SHB: variants seen among roughly 807,000 people sequenced by gnomAD.
SHB encodes the protein SH2 domain containing adaptor protein B.
Under a neutral mutation model 52.3 loss-of-function variants are expected in SHB, and 20 were observed. The ratio of observed to expected loss-of-function variants is 0.38; its 90% CI spans 0.27 to 0.56. The LOEUF (loss-of-function observed/expected upper bound fraction) is 0.56, where lower values mean the gene tolerates loss of function less well. Ranked by LOEUF, SHB falls within the 20% of genes least tolerant of loss-of-function variation. The pLI, the probability that SHB is intolerant of heterozygous loss-of-function variation, is 0.71. For missense variants in SHB, 825 were observed against 723.3 expected (o/e 1.14, Z -1.61); for synonymous variants, 397 against 316.5 (o/e 1.25, Z -2.70).
chr9:37,966,623 A>C (rs184242823), intron 3 of SHB, among the ~76,000 whole-genome samples: 6 of 152,312 alleles, frequency 3.9e-5, no homozygotes, highest in Non-Finnish European at 5.9e-5. Context: ...CACAATTGTT[A>C]ATTTCCTCAC....
chr9:38,040,091 G>A (rs951531352), intron 1 of SHB, among the ~76,000 whole-genome samples: 1 of 152,250 alleles, frequency 6.6e-6, no homozygotes, highest in African/African-American at 2.4e-5. Context: ...CACTACCTCA[G>A]GTCAGCCGGT....
intron 1 of SHB, among the ~76,000 whole-genome samples, chr9:38,034,060 T>C (rs1284564820): frequency 2.0e-5 from 3 of 152,282 alleles, no homozygotes; most frequent in South Asian, 4.2e-4. Flanking sequence ...GGCCCAGCGA[T>C]GTCATAAACC....
chr9:37,990,696 C>T (rs2243782), intron 2 of SHB, among the ~76,000 whole-genome samples: 86,969 of 152,030 alleles, frequency 0.57, 25,254 homozygotes, highest in East Asian at 0.74. Context: ...CAGGCAGAAA[C>T]AACTGCTCAC....
At chr9:38,024,408 C>T (rs1328472932) in intron 1 of SHB, among the ~76,000 whole-genome samples, 1 of 152,236 alleles carries the variant, frequency 6.6e-6, no homozygotes, top group East Asian at 1.9e-4. Context: ...CTGGTCTTTC[C>T]AGTCCTGCCC....
chr9:37,990,760 A>G (rs1205800915), intron 2 of SHB, among the ~76,000 whole-genome samples: 2 of 152,248 alleles, frequency 1.3e-5, no homozygotes, highest in African/African-American at 4.8e-5. Context: ...GAAACTAGGA[A>G]TAACCTACAA....
At chr9:37,971,439 C>T (rs1308900265) in intron 3 of SHB, among the ~76,000 whole-genome samples, 2 of 152,232 alleles carry the variant, frequency 1.3e-5, no homozygotes, top group Non-Finnish European at 2.9e-5. Context: ...GGATGCTTCT[C>T]ACCTGCCAAT....
At chr9:37,946,699 T>C (rs767949120) in intron 5 of SHB, among the ~76,000 whole-genome samples, 1 of 152,152 alleles carries the variant, frequency 6.6e-6, no homozygotes, top group Admixed American at 6.5e-5. Context: ...CGGTTTGGCA[T>C]GGAGTGCTCT....
chr9:38,008,911 G>T (rs1821104092), intron 2 of SHB, among the ~76,000 whole-genome samples: 1 of 152,200 alleles, frequency 6.6e-6, no homozygotes, highest in Non-Finnish European at 1.5e-5. Context: ...GGACATCCTG[G>T]GAGCAGAGTC....
intron 2 of SHB, among the ~76,000 whole-genome samples, chr9:37,975,721 C>T (rs752140013): frequency 6.6e-5 from 10 of 152,146 alleles, no homozygotes; most frequent in South Asian, 2.1e-4. Flanking sequence ...ATGGCCCAAG[C>T]GGGGAATGTG....
At chr9:38,033,697 C>T (rs1039231629) in intron 1 of SHB, among the ~76,000 whole-genome samples, 1 of 152,238 alleles carries the variant, frequency 6.6e-6, no homozygotes, top group Middle Eastern at 3.4e-3. Flanking sequence ...TCCCATCTAT[C>T]CTGGGTCCCA....
intron 5 of SHB, among the ~76,000 whole-genome samples, chr9:37,933,092 T>A (rs755974460): frequency 6.6e-6 from 1 of 152,168 alleles, no homozygotes; most frequent in Non-Finnish European, 1.5e-5. Flanking sequence ...GGGTGGTTTT[T>A]CCTCCCTGGA....
chr9:37,991,955 C>T (rs1820887481), intron 2 of SHB, among the ~76,000 whole-genome samples: 1 of 152,212 alleles, frequency 6.6e-6, no homozygotes, highest in African/African-American at 2.4e-5. Context: ...GGGTCCCAGG[C>T]TCCCACACCA....
chr9:38,001,036 A>G (rs916041563), intron 2 of SHB, among the ~76,000 whole-genome samples: 5 of 152,242 alleles, frequency 3.3e-5, no homozygotes, highest in African/African-American at 7.2e-5. Context: ...CGCATGGGGC[A>G]CTGTTACATG....
chr9:37,928,617 A>C (rs1587194700), intron 5 of SHB, among the ~76,000 whole-genome samples: 1 of 152,238 alleles, frequency 6.6e-6, no homozygotes, highest in Non-Finnish European at 1.5e-5. Flanking sequence ...CTAAAGCCAC[A>C]CCACTCGCTA....
intron 2 of SHB, among the ~76,000 whole-genome samples, chr9:38,005,426 G>A (rs1229191583): frequency 2.6e-5 from 4 of 152,184 alleles, no homozygotes; most frequent in African/African-American, 9.7e-5. Flanking sequence ...TCCAGGAGAT[G>A]GGGAAGAGCA....
chr9:38,063,801 T>G (rs907042387), intron 1 of SHB, among the ~76,000 whole-genome samples: 4 of 151,994 alleles, frequency 2.6e-5, no homozygotes, highest in South Asian at 2.1e-4. Flanking sequence ...GGATGTTTTT[T>G]TTTTTTTTTT....
chr9:37,929,791 C>T (rs1437593931), intron 5 of SHB, among the ~76,000 whole-genome samples: 1 of 152,240 alleles, frequency 6.6e-6, no homozygotes, highest in East Asian at 1.9e-4. Context: ...CACACTGTTG[C>T]ACACAGGATC....
intron 1 of SHB, among the ~76,000 whole-genome samples, chr9:38,031,235 C>G (rs1045980284): frequency 6.6e-6 from 1 of 152,128 alleles, no homozygotes; most frequent in Non-Finnish European, 1.5e-5. Context: ...GCAGGAGAAT[C>G]GCTTGAACCC....
intron 2 of SHB, among the ~76,000 whole-genome samples, chr9:37,993,523 C>G (rs1489274426): frequency 6.6e-6 from 1 of 151,900 alleles, no homozygotes; most frequent in Non-Finnish European, 1.5e-5. Context: ...CAAACCTGCA[C>G]GTTGTGCACA....
Sources: gnomAD v4.1 joint callset for allele counts (sites outside exome capture counted in the v4.1 genomes callset) on GRCh38, gnomAD v4.1.1 for gene constraint, MANE v1.5 for transcripts, NCBI Gene and HGNC (gene_info 2026-07-23, HGNC 2026-07-21) for gene names.